Variants in NBEA observed in about 807,000 individuals in gnomAD.
NBEA encodes the protein neurobeachin.
In NBEA, 44 loss-of-function variants were observed where a neutral mutation model predicts 343.4. The observed-to-expected ratio is 0.13, with a 90% confidence interval of 0.10 to 0.16. The LOEUF (loss-of-function observed/expected upper bound fraction) is 0.16. NBEA is among the 10% of genes least tolerant of loss of function. NBEA has a pLI of 1.00. For synonymous variants in NBEA, 1,175 were observed against 1,238.7 expected, an observed-to-expected ratio of 0.95 and a Z score of 1.08; for missense variants, 2,555 against 3,631.3, an observed-to-expected ratio of 0.70 and a Z score of 7.62.
chr13:35,388,765 G>C (rs2042365842), intron 38 of NBEA, among the ~76,000 whole-genome samples: 1 of 152,114 alleles, frequency 6.6e-6, no homozygotes, highest in Admixed American at 6.5e-5. Context: ...TTTCCTCTTA[G>C]CACATCTGGG....
chr13:35,167,130 T>C lies in NBEA; in HGVS notation c.4234-1857T>C, dbSNP rs142204824. On this transcript the variant is annotated intron_variant, in intron 24 of 58. Coordinates refer to ENST00000379939, the MANE Select transcript of NBEA (RefSeq NM_001385012.1). ...TTTATGGCAGTAGTTCACAAACTTTTGTGTATGGGGCCAGATGGGAAATAG... is the reference window on the plus strand; with the variant it reads ...TTTATGGCAGTAGTTCACAAACTTTCGTGTATGGGGCCAGATGGGAAATAG... 4.2e-3 allele frequency among the ~76,000 whole-genome samples: 637 copies of C among 152,144 alleles called. 4 individuals are homozygous for C. The highest frequency in any genetic ancestry group is 0.015 in the African/African-American group (614 of 41,548).
At chr13:35,090,140 A>G (rs2152625938) in intron 10 of NBEA, among the ~76,000 whole-genome samples, 1 of 152,018 alleles carries the variant, frequency 6.6e-6, no homozygotes, top group South Asian at 2.1e-4. Context: ...CAAATTAGCC[A>G]TGAGACCTTA....
chr13:35,502,911 TTAAG>T (rs1456674523), intron 41 of NBEA, among the ~76,000 whole-genome samples: 3 of 152,156 alleles, frequency 2.0e-5, no homozygotes, highest in Non-Finnish European at 4.4e-5. Context: ...TTTTTATTAA[TTAAG>T]TTTTATGAGT....
At chr13:35,283,321 T>C (rs1325783704) in intron 34 of NBEA, among the ~76,000 whole-genome samples, 2 of 152,128 alleles carry the variant, frequency 1.3e-5, no homozygotes, top group East Asian at 1.9e-4. Context: ...ATTATTTGGG[T>C]ATTGTGTAAC....
chr13:35,150,390 G>A (rs2068701749), intron 18 of NBEA, among the ~76,000 whole-genome samples: 1 of 151,954 alleles, frequency 6.6e-6, no homozygotes, highest in Non-Finnish European at 1.5e-5. Context: ...CAGAATGACA[G>A]GGCAGTGGAT....
intron 17 of NBEA, among the ~76,000 whole-genome samples, chr13:35,130,973 A>G (rs2067390931): frequency 6.6e-6 from 1 of 152,124 alleles, no homozygotes; most frequent in African/African-American, 2.4e-5. Context: ...GATTTGGTCT[A>G]AATGATACTA....
At chr13:35,344,002 A>T (rs1035989204) in intron 36 of NBEA, among the ~76,000 whole-genome samples, 4 of 152,076 alleles carry the variant, frequency 2.6e-5, no homozygotes, top group African/African-American at 9.7e-5. Context: ...CCCTGGTGCC[A>T]AAAAGGTTGG....
intron 49 of NBEA, among the ~76,000 whole-genome samples, chr13:35,638,807 A>G (rs987188896): frequency 6.6e-6 from 1 of 152,216 alleles, no homozygotes; most frequent in Non-Finnish European, 1.5e-5. Flanking sequence ...GACAGAAAAT[A>G]TTCTGGATGG....
At chr13:34,961,456 A>G (rs970754146) in intron 1 of NBEA, among the ~76,000 whole-genome samples, 3 of 151,960 alleles carry the variant, frequency 2.0e-5, no homozygotes, top group South Asian at 2.1e-4. Flanking sequence ...GCTCCTAGCT[A>G]TTTCTCTGTG....
intron 16 of NBEA, 46 bp from the exon 17 acceptor site, chr13:35,123,436 T>C: frequency 8.6e-7 from 1 of 1,158,404 alleles, no homozygotes; most frequent in East Asian, 2.7e-5. Flanking sequence ...GTGTTTTTGT[T>C]TTTAATATTA....
At chr13:35,261,169 G>A (rs2033178921) in intron 34 of NBEA, among the ~76,000 whole-genome samples, 1 of 152,072 alleles carries the variant, frequency 6.6e-6, no homozygotes, top group African/African-American at 2.4e-5. Context: ...AGGGATAAGG[G>A]GTTTAAAAGA....
chr13:35,376,683 G>A (rs1177841165), intron 38 of NBEA, among the ~76,000 whole-genome samples: 1 of 152,122 alleles, frequency 6.6e-6, no homozygotes, highest in Non-Finnish European at 1.5e-5. Flanking sequence ...AGGAGGAATA[G>A]GATTCCCCCA....
chr13:35,608,062 T>C (rs541024977), intron 48 of NBEA, among the ~76,000 whole-genome samples: 107 of 152,334 alleles, frequency 7.0e-4, no homozygotes, highest in Non-Finnish European at 1.2e-3. Context: ...CATTTTCTTC[T>C]ATTTTGGAGC....
At chr13:34,959,657 T>C (rs898054533) in intron 1 of NBEA, among the ~76,000 whole-genome samples, 19 of 152,132 alleles carry the variant, frequency 1.2e-4, no homozygotes, top group Non-Finnish European at 1.9e-4. Context: ...ATAGGGAGTA[T>C]GTTGAGCGAA....
chr13:35,055,877 G>T (rs1171711877), intron 6 of NBEA, 133 bp from the exon 7 acceptor site: 2 of 564,092 alleles, frequency 3.5e-6, no homozygotes, highest in Non-Finnish European at 5.3e-6. Context: ...GGGGGAACTT[G>T]ATCAAGTGGT....
chr13:35,482,668 T>C (rs1413570250), intron 41 of NBEA, among the ~76,000 whole-genome samples: 2 of 151,692 alleles, frequency 1.3e-5, no homozygotes, highest in Non-Finnish European at 3.0e-5. Context: ...ATGTATAGCT[T>C]TGTTTTTCTG....
At chr13:35,335,685 T>C (rs181451170) in intron 36 of NBEA, among the ~76,000 whole-genome samples, 1 of 151,734 alleles carries the variant, frequency 6.6e-6, no homozygotes, top group Admixed American at 6.6e-5. Flanking sequence ...ATTACACATA[T>C]ATTAATGTTA....
chr13:34,943,191 T>G (rs779308668), intron 1 of NBEA, 77 bp downstream of exon 1: 89 of 1,557,886 alleles, frequency 5.7e-5, no homozygotes, highest in Non-Finnish European at 7.5e-5. Context: ...CCTCCCACCC[T>G]TCACCCCCAG....
intron 40 of NBEA, among the ~76,000 whole-genome samples, chr13:35,462,573 C>T (rs1014648679): frequency 4.6e-5 from 7 of 152,036 alleles, no homozygotes; most frequent in African/African-American, 1.7e-4. Flanking sequence ...TGTTTTTATC[C>T]TGAAGGCCAC....
Sources: allele counts gnomAD v4.1 joint callset (sites outside exome capture counted in the v4.1 genomes callset), GRCh38; gene constraint gnomAD v4.1.1; transcripts MANE v1.5; gene names NCBI Gene and HGNC (gene_info 2026-07-23, HGNC 2026-07-21).